HYDIN: variants seen among roughly 807,000 people sequenced by gnomAD.
HYDIN encodes the protein axonemal central pair apparatus protein HYDIN.
HYDIN carries 132 observed loss-of-function variants against 403.9 expected under a neutral mutation model. The observed-to-expected ratio is 0.33, with a 90% CI of 0.28 to 0.38. The LOEUF (loss-of-function observed/expected upper bound fraction) is 0.38, where lower values mean the gene tolerates loss of function less well. Among genes scored for constraint, HYDIN ranks in the 10% least tolerant of loss-of-function variants. The probability of loss-of-function intolerance (pLI) is 1.00; values close to 1 mark genes in which losing one functional copy is unlikely to be tolerated. For missense variants in HYDIN, 2,827 were observed against 5,009.5 expected, an observed-to-expected ratio of 0.56 and a Z score of 13.15; for synonymous variants, 1,202 against 1,891.7, an observed-to-expected ratio of 0.64 and a Z score of 9.46.
At chr16:70,916,259 C>G (rs1240151239) in intron 47 of HYDIN, among the ~76,000 whole-genome samples, 1 of 152,144 alleles carries the variant, frequency 6.6e-6, no homozygotes, top group Non-Finnish European at 1.5e-5. Flanking sequence ...CCTGAAAGAT[C>G]CCTGTGATGC....
intron 41 of HYDIN, among the ~76,000 whole-genome samples, chr16:70,949,534 G>C (rs2077994390): frequency 6.6e-6 from 1 of 152,032 alleles, no homozygotes; most frequent in Non-Finnish European, 1.5e-5. Flanking sequence ...CTGGATAGAG[G>C]TGATTTATAA....
At chr16:71,019,502 T>C (rs1298224402) in intron 22 of HYDIN, among the ~76,000 whole-genome samples, 1 of 152,304 alleles carries the variant, frequency 6.6e-6, no homozygotes, top group Non-Finnish European at 1.5e-5. Context: ...CCTTTAATCT[T>C]ACCACTGGCA....
intron 13 of HYDIN, among the ~76,000 whole-genome samples, chr16:71,071,181 G>A (rs1184286326): frequency 3.5e-5 from 5 of 143,992 alleles, no homozygotes; most frequent in African/African-American, 1.0e-4. Flanking sequence ...AAAGAGTCAC[G>A]TGGTCTTCCA....
chr16:70,925,682 A>C (rs1354410599), intron 45 of HYDIN, among the ~76,000 whole-genome samples: 154 of 150,358 alleles, frequency 1.0e-3, no homozygotes, highest in African/African-American at 3.6e-3. Flanking sequence ...CAACCTACAA[A>C]ATGGGAGAAA....
intron 59 of HYDIN, among the ~76,000 whole-genome samples, chr16:70,883,384 A>G (rs963160856): frequency 6.7e-6 from 1 of 150,084 alleles, no homozygotes; most frequent in African/African-American, 2.4e-5. Flanking sequence ...TTCTCAGATA[A>G]CACTATTCAT....
chr16:71,169,474 A>T (rs927022541), intron 5 of HYDIN, among the ~76,000 whole-genome samples: 1 of 152,302 alleles, frequency 6.6e-6, no homozygotes, highest in African/African-American at 2.4e-5. Flanking sequence ...ATACAATGGA[A>T]TACTATGTAA....
chr16:70,866,128 G>A (rs1339355261), intron 67 of HYDIN, 41 bp downstream of exon 67: 2 of 1,563,128 alleles, frequency 1.3e-6, no homozygotes, highest in Non-Finnish European at 1.8e-6. Context: ...TGGAATGAAA[G>A]AGCTTTTCCA....
chr16:71,107,549 T>A (rs1285757900), intron 10 of HYDIN, among the ~76,000 whole-genome samples: 3 of 151,984 alleles, frequency 2.0e-5, no homozygotes, highest in African/African-American at 7.2e-5. Context: ...GACATATATG[T>A]GGCCTACAAG....
At chr16:70,850,241 T>C (rs2038531355) in intron 74 of HYDIN, among the ~76,000 whole-genome samples, 1 of 137,340 alleles carries the variant, frequency 7.3e-6, no homozygotes, top group Non-Finnish European at 1.5e-5. Flanking sequence ...CCCCACCATC[T>C]CTCCACCCCC....
chr16:71,208,405 G>T lies in HYDIN; in HGVS notation c.-23-21487C>A, dbSNP rs552604933. On this transcript the variant is annotated intron_variant, in intron 1 of 85. Coordinates refer to ENST00000393567, the MANE Select transcript of HYDIN (RefSeq NM_001270974.2). Reference sequence around the variant, plus strand: ...GCCAGAATCTCTGGGAAACAGCTAAGGCAGTGTTAAGAGGGAAATTTATAG... The same window carrying T: ...GCCAGAATCTCTGGGAAACAGCTAATGCAGTGTTAAGAGGGAAATTTATAG... 1.4e-4 allele frequency among the ~76,000 whole-genome samples: 21 copies of T among 152,196 alleles called. No individual in the cohort carries two copies. The East Asian group carries it at 2.5e-3, about 18-fold the overall frequency.
At chr16:71,011,716 C>T (rs1240994009) in intron 23 of HYDIN, among the ~76,000 whole-genome samples, 1 of 150,172 alleles carries the variant, frequency 6.7e-6, no homozygotes, top group Non-Finnish European at 1.5e-5. Flanking sequence ...CAGAGCGAGA[C>T]TTTGTTTAAA....
At chr16:70,943,245 G>C (rs932112007) in intron 42 of HYDIN, among the ~76,000 whole-genome samples, 2 of 152,148 alleles carry the variant, frequency 1.3e-5, no homozygotes, top group African/African-American at 4.8e-5. Flanking sequence ...AAATTAGAAA[G>C]AGTGTTACTG....
chr16:70,870,597 T>C (rs1403117442), intron 65 of HYDIN, among the ~76,000 whole-genome samples: 3 of 152,074 alleles, frequency 2.0e-5, no homozygotes, highest in Non-Finnish European at 4.4e-5. Flanking sequence ...AAGTCAAGAA[T>C]TGAGGTTGGG....
intron 10 of HYDIN, among the ~76,000 whole-genome samples, chr16:71,108,170 G>C (rs1288360122): frequency 1.3e-5 from 2 of 152,184 alleles, no homozygotes; most frequent in African/African-American, 4.8e-5. Context: ...GCCTAGTGGA[G>C]GGCGGAGGGT....
rs1246671491 is a variant in HYDIN at position 71,070,895 on chromosome 16, T to C, written c.1739-1393A>G. 8.2e-5 allele frequency among the ~76,000 whole-genome samples: 12 copies of C among 146,558 alleles called. No homozygotes were observed. The East Asian group carries it at 2.3e-3, about 28-fold the overall frequency. On this transcript the variant is annotated intron_variant, in intron 13 of 85. Transcript: ENST00000393567. ...ACATTAGGCCATTGGAGGAAACACA[T>C]TCATGTATCCTTTGTGATAACACAC...
chr16:71,214,569 T>C (rs535825479), intron 1 of HYDIN, among the ~76,000 whole-genome samples: 1 of 152,310 alleles, frequency 6.6e-6, no homozygotes, highest in East Asian at 1.9e-4. Flanking sequence ...ACTGCATTAT[T>C]TCACTTTTTC....
intron 77 of HYDIN, among the ~76,000 whole-genome samples, chr16:70,836,960 T>A (rs897963040): frequency 5.2e-4 from 79 of 152,384 alleles, no homozygotes; most frequent in African/African-American, 1.8e-3. Flanking sequence ...GTTGCTCCTA[T>A]GGCTTGATGG....
intron 39 of HYDIN, among the ~76,000 whole-genome samples, chr16:70,958,126 C>T (rs1351670871): frequency 6.6e-6 from 1 of 152,030 alleles, no homozygotes; most frequent in African/African-American, 2.4e-5. Flanking sequence ...TTAATCCCCT[C>T]TCTGAGGTCA....
chr16:70,837,762 T>C lies in HYDIN; in HGVS notation c.13170A>G (p.Glu4390=). ...GCCCATTGATTTCAAAGGGAATGAG[T>C]TCTTGATAGTTGATACTTTCTCGAG... ...FYPRESINYQ[E]LIPFEINGLS... Residue 4390 remains glutamate (E), a synonymous_variant, in exon 77 of 86, where the codon GAA becomes GAG. Transcript: ENST00000393567. 1 of 1,613,952 alleles carries C rather than the reference T, an allele frequency of 6.2e-7. No homozygotes were observed. The highest frequency in any genetic ancestry group is 8.5e-7 in the Non-Finnish European group (1 of 1,179,850).
Sources: allele counts gnomAD v4.1 joint callset (sites outside exome capture counted in the v4.1 genomes callset), GRCh38; gene constraint gnomAD v4.1.1; transcripts MANE v1.5; gene names NCBI Gene and HGNC (gene_info 2026-07-23, HGNC 2026-07-21).